Variants in APOL2 observed in about 807,000 individuals in gnomAD.
APOL2 encodes the protein apolipoprotein L, 2.
Under a neutral mutation model 7.1 loss-of-function variants are expected in APOL2, and 8 were observed. The ratio of observed to expected loss-of-function variants is 1.12; its 90% CI spans 0.66 to 2.03. The LOEUF (loss-of-function observed/expected upper bound fraction) is 2.03. Among genes scored for constraint, APOL2 ranks in the 30% most tolerant of loss-of-function variants. The pLI is 0.00. For missense variants in APOL2, 471 were observed against 415.1 expected (o/e 1.13, Z -1.17); for synonymous variants, 177 against 159.9 (o/e 1.11, Z -0.81).
chr22:36,232,922 G>A (rs1190753473), intron 3 of APOL2, among the ~76,000 whole-genome samples: 1 of 152,034 alleles, frequency 6.6e-6, no homozygotes, highest in African/African-American at 2.4e-5. Context: ...GGGTGACAGG[G>A]TAGGGAGGAA....
intron 1 of APOL2, among the ~76,000 whole-genome samples, chr22:36,237,992 C>T (rs2015468716): frequency 6.6e-6 from 1 of 152,330 alleles, no homozygotes; most frequent in South Asian, 2.1e-4. Context: ...CTCAGAGACC[C>T]ACCCAAAGCT....
In APOL2 at chr22:36,226,688, T is replaced by C. The variant is rs559049897; in HGVS notation, c.*716A>G. 16 of 154,488 alleles carry C rather than the reference T, an allele frequency of 1.0e-4. No individual in the cohort carries two copies. The highest frequency in any genetic ancestry group is 1.9e-4 in the Non-Finnish European group (13 of 69,716). The allele number at this position is 154,488 out of a possible 1,614,324, so 9.6% of individuals were successfully genotyped here. ...GGGGGGGGGTCGGTAGTGGAGCTGC[T>C]GTTTCTTCTCCTGTATCCAACAGTT... On this transcript the variant is annotated 3_prime_UTR_variant, in exon 5 of 5. Transcript: ENST00000358502.
intron 1 of APOL2, 40 bp from the exon 2 acceptor site, chr22:36,233,495 G>C (rs1250153111): frequency 6.6e-7 from 1 of 1,506,246 alleles, no homozygotes. Flanking sequence ...AGGAGGGGCA[G>C]CCATCTGATC....
chr22:36,236,803 C>T (rs556828743), intron 1 of APOL2: 115 of 1,116,510 alleles, frequency 1.0e-4, no homozygotes, highest in Non-Finnish European at 1.1e-4. Context: ...GGGGCCCCTA[C>T]GCAGCAAGAC....
chr22:36,239,318 T>C, intron 1 of APOL2, 123 bp downstream of exon 1: 1 of 1,344,918 alleles, frequency 7.4e-7, no homozygotes, highest in Non-Finnish European at 9.8e-7. Context: ...ACTGCTTTCC[T>C]GTCTGATCTG....
At chr22:36,239,385 A>G (rs981709004) in intron 1 of APOL2, 56 bp downstream of exon 1, 9 of 1,479,240 alleles carry the variant, frequency 6.1e-6, no homozygotes, top group Admixed American at 2.0e-5. Context: ...TCCTTCCCTT[A>G]TAGAGCTATT....
rs187712910 is a variant in APOL2, at chr22:36,229,216, G to A, written c.138-936C>T. ...GTTGAGGGTCTGACCTGCCTTTGGC[G>A]AGAATCCTGTTAGGCCAGTTTAGCA... On this transcript the variant is annotated intron_variant, in intron 4 of 4. Coordinates refer to ENST00000358502, the MANE Select transcript of APOL2 (RefSeq NM_030882.4). Among the ~76,000 whole-genome samples the A allele has an allele frequency of 1.6e-3, 239 of 152,236 alleles. 2 individuals carry two copies. Among genetic ancestry groups the A allele is most frequent in the Middle Eastern group, 6.8e-3 (2 of 294 alleles).
rs780818393 is a variant in APOL2, at chr22:36,228,205, G to A, written c.213C>T (p.His71=). ...SHMVMKDKNR[H]DKDQQHRQWF... ...ACTGCCTGTGCTGCTGGTCTTTATC[G>A]TGGCGGTTTTTGTCCTTCATGACCA... The change falls in exon 5 of 5, where the codon CAC becomes CAT. Residue 71 remains histidine (H), a synonymous_variant. Coordinates refer to ENST00000358502, the MANE Select transcript of APOL2 (RefSeq NM_030882.4). 3.0e-5 allele frequency: 48 copies of A among 1,614,054 alleles called. No homozygotes were observed. Among genetic ancestry groups the A allele is most frequent in the Non-Finnish European group, 3.4e-5 (40 of 1,180,040 alleles).
Position 36,228,076 on chromosome 22 carries a change from G to T in APOL2, c.342C>A (p.Thr114=), listed in dbSNP as rs1327795801. The stretch of plus-strand genomic sequence containing the variant: ...CAGAGTTGGACACCACATTGGCAAT[G>T]GTGGTGCCTCTGTGGACCTGCTCAA... ...EEVEQVHRGT[T]IANVVSNSVG... The change falls in exon 5 of 5, where the codon ACC becomes ACA. Residue 114 remains threonine, a synonymous_variant. Transcript: ENST00000358502. The T allele has an allele frequency of 6.2e-7, 1 of 1,614,238 alleles. No individual in the cohort carries two copies. Among genetic ancestry groups the T allele is most frequent in the Non-Finnish European group, 8.5e-7 (1 of 1,180,038 alleles).
chr22:36,228,882 A>T (rs568599777), intron 4 of APOL2, among the ~76,000 whole-genome samples: 1 of 151,960 alleles, frequency 6.6e-6, no homozygotes. Flanking sequence ...AAGGTGTGAG[A>T]TCTCAGGGAA....
At chr22:36,233,525 CTA>C in intron 1 of APOL2, 70 bp from the exon 2 acceptor site, 1 of 1,375,170 alleles carries the variant, frequency 7.3e-7, no homozygotes, top group Non-Finnish European at 1.0e-6. Context: ...ACTACAGAGT[CTA>C]TACACAGGAA....
Position 36,227,978 on chromosome 22 carries a change from A to G in APOL2, c.440T>C (p.Val147Ala). The part of the protein sequence containing the change: ...LAPFTEGISF[V>A]LLDTGMGLGA... ...CAGACCCATGCCAGTGTCCAAGAGC[A>G]CAAAACTGATTCCTTCTGTGAAGGG... The change falls in exon 5 of 5, where the codon GTG becomes GCG. Residue 147 changes from valine to alanine, a missense_variant. Val to Ala is a moderately conservative substitution (Grantham distance 64). Coordinates refer to ENST00000358502, the MANE Select transcript of APOL2 (RefSeq NM_030882.4). 1 of 1,614,216 alleles carries G rather than the reference A, an allele frequency of 6.2e-7. No individual in the cohort carries two copies. The highest frequency in any genetic ancestry group is 8.5e-7 in the Non-Finnish European group (1 of 1,180,038).
intron 1 of APOL2, chr22:36,237,002 C>T (rs2146983121): frequency 2.1e-6 from 3 of 1,401,370 alleles, no homozygotes; most frequent in East Asian, 5.7e-5. Context: ...GCCATGAGAA[C>T]CAGGAGGACC....
intron 3 of APOL2, among the ~76,000 whole-genome samples, chr22:36,231,811 C>G (rs900754367): frequency 6.6e-6 from 1 of 152,146 alleles, no homozygotes; most frequent in Admixed American, 6.5e-5. Context: ...AGGCAGCTGC[C>G]GCAAGCCAGC....
At chr22:36,235,399 A>G (rs989943227) in intron 1 of APOL2, among the ~76,000 whole-genome samples, 1 of 152,232 alleles carries the variant, frequency 6.6e-6, no homozygotes, top group Admixed American at 6.5e-5. Context: ...ATGACCAAAT[A>G]CAAAAGGAGT....
chr22:36,238,413 C>G (rs1319265897), intron 1 of APOL2, among the ~76,000 whole-genome samples: 1 of 152,196 alleles, frequency 6.6e-6, no homozygotes, highest in Non-Finnish European at 1.5e-5. Flanking sequence ...CTTTTGGCAG[C>G]TCTATCAAGT....
intron 3 of APOL2, among the ~76,000 whole-genome samples, chr22:36,232,286 T>G (rs992683636): frequency 1.3e-5 from 2 of 152,254 alleles, no homozygotes; most frequent in Non-Finnish European, 2.9e-5. Context: ...CTCAGATTTT[T>G]CTTTGACAAG....
chr22:36,230,428 C>G (rs751405495), intron 4 of APOL2, among the ~76,000 whole-genome samples: 2 of 152,180 alleles, frequency 1.3e-5, no homozygotes, highest in Non-Finnish European at 2.9e-5. Context: ...CTCTCCCACT[C>G]ACATGTCCTC....
chr22:36,226,664 G>GA lies in APOL2; in HGVS notation c.*739_*740insT, dbSNP rs996868066. The GA allele has an allele frequency of 2.0e-5, 3 of 153,356 alleles. No homozygotes were observed. The highest frequency in any genetic ancestry group is 1.9e-4 in the East Asian group (1 of 5,304). The allele number at this position is 153,356 out of a possible 1,614,324, so 9.5% of individuals were successfully genotyped here. Reference sequence around the variant, plus strand: ...TATTCTTGGAAGGACATCAAACCTGGGGGGGGGTCGGTAGTGGAGCTGCTG... The same window carrying GA: ...TATTCTTGGAAGGACATCAAACCTGGAGGGGGGGTCGGTAGTGGAGCTGCTG... On this transcript the variant is annotated 3_prime_UTR_variant, in exon 5 of 5. Transcript: ENST00000358502.
Sources: gnomAD v4.1 joint callset for allele counts (sites outside exome capture counted in the v4.1 genomes callset) on GRCh38, gnomAD v4.1.1 for gene constraint, MANE v1.5 for transcripts, NCBI Gene and HGNC (gene_info 2026-07-23, HGNC 2026-07-21) for gene names.